Variants in TBC1D32 observed in about 807,000 individuals in gnomAD.
TBC1D32 encodes protein broad-minded.
A neutral mutation model predicts 170.3 loss-of-function variants in TBC1D32; 151 were observed. The observed-to-expected ratio is 0.89, with a 90% CI of 0.78 to 1.01. The LOEUF is 1.01. TBC1D32 is among the 50% of genes least tolerant of loss of function. The probability of loss-of-function intolerance (pLI) is 0.00; values close to 1 mark genes in which losing one functional copy is unlikely to be tolerated. For missense variants in TBC1D32, 1,464 were observed against 1,457.1 expected, an observed-to-expected ratio of 1.00 and a Z score of -0.08; for synonymous variants, 498 against 488.0, an observed-to-expected ratio of 1.02 and a Z score of -0.27.
intron 4 of TBC1D32, among the ~76,000 whole-genome samples, chr6:121,310,433 G>T (rs1196571190): frequency 2.0e-5 from 3 of 151,916 alleles, no homozygotes; most frequent in Admixed American, 2.0e-4. Context: ...AGTAAAAAAA[G>T]AATTAAAAAT....
chr6:121,256,414 C>CA, intron 15 of TBC1D32, 129 bp from the exon 16 acceptor site: 1 of 707,306 alleles, frequency 1.4e-6, no homozygotes, highest in Non-Finnish European at 2.3e-6. Flanking sequence ...TGTCAATATT[C>CA]ACGTTCCCAC....
chr6:121,256,081 T>A lies in TBC1D32; in HGVS notation c.1935+3A>T, dbSNP rs1189429664. 12 of 1,604,022 alleles carry A rather than the reference T, an allele frequency of 7.5e-6. No homozygotes were observed. Among genetic ancestry groups the A allele is most frequent in the Non-Finnish European group, 9.3e-6 (11 of 1,177,708 alleles). On this transcript the variant is annotated splice_donor_region_variant and intron_variant, in intron 16 of 31. Transcript: ENST00000398212. ...AGAAAAAACGAAGCTTGAAAATACT[T>A]ACCTTTTTCCATGCCTTTGCTATAG...
At chr6:121,257,383 C>A (rs556565228) in intron 15 of TBC1D32, among the ~76,000 whole-genome samples, 1 of 152,140 alleles carries the variant, frequency 6.6e-6, no homozygotes, top group Admixed American at 6.5e-5. Flanking sequence ...CTCTCTAGTA[C>A]GTAGTCCTCC....
chr6:121,118,964 T>C (rs1008725482), intron 26 of TBC1D32, among the ~76,000 whole-genome samples: 5 of 152,148 alleles, frequency 3.3e-5, no homozygotes, highest in Non-Finnish European at 7.4e-5. Flanking sequence ...GATTATGCAA[T>C]TACCCCTGCC....
Position 121,148,319 on chromosome 6 carries a change from T to A in TBC1D32, c.2773+11691A>T, listed in dbSNP as rs796817373. 3.9e-4 allele frequency among the ~76,000 whole-genome samples: 59 copies of A among 151,962 alleles called. 1 individual carries two copies. Among genetic ancestry groups the A allele is most frequent in the African/African-American group, 1.4e-3 (58 of 41,372 alleles). On this transcript the variant is annotated intron_variant, in intron 24 of 31. Transcript: ENST00000398212. ...GTCCCTGAAAAGGACATGAACTAAT[T>A]TTTTTTTATGGTTGCATAGTATTCC...
rs575612180 is a variant in TBC1D32 at position 121,121,056 on chromosome 6, T to C, written c.2983+5322A>G. Among the ~76,000 whole-genome samples the C allele has an allele frequency of 9.9e-5, 15 of 152,134 alleles. No homozygotes were observed. The South Asian group carries it at 1.0e-3, about 10-fold the overall frequency. On this transcript the variant is annotated intron_variant, in intron 26 of 31. Coordinates refer to ENST00000398212, the MANE Select transcript of TBC1D32 (RefSeq NM_152730.6). ...TGTGAATATAGTATGTGTATATATA[T>C]ATAATTAAATCTCATATTGAAGATA...
intron 1 of TBC1D32, among the ~76,000 whole-genome samples, chr6:121,328,944 T>C (rs1025527212): frequency 3.9e-5 from 6 of 152,154 alleles, no homozygotes; most frequent in Non-Finnish European, 7.4e-5. Context: ...CAAAATATCT[T>C]TTACAAAATA....
intron 10 of TBC1D32, 102 bp downstream of exon 10, chr6:121,299,344 C>T: frequency 7.9e-7 from 1 of 1,270,780 alleles, no homozygotes; most frequent in Non-Finnish European, 1.1e-6. Flanking sequence ...CTTCATTATC[C>T]AATATTAATT....
chr6:121,150,524 GT>G (rs1423821516), intron 24 of TBC1D32, among the ~76,000 whole-genome samples: 7 of 152,178 alleles, frequency 4.6e-5, no homozygotes, highest in African/African-American at 1.7e-4. Context: ...CATGAAATGA[GT>G]TGGGGAGGAG....
At chr6:121,103,188 G>T (rs1412284501) in intron 30 of TBC1D32, among the ~76,000 whole-genome samples, 3 of 152,032 alleles carry the variant, frequency 2.0e-5, no homozygotes, top group Non-Finnish European at 2.9e-5. Flanking sequence ...ATTCCTCAAC[G>T]ATCTAGAACT....
intron 27 of TBC1D32, among the ~76,000 whole-genome samples, chr6:121,114,918 A>T (rs1779542351): frequency 6.6e-6 from 1 of 152,182 alleles, no homozygotes; most frequent in Non-Finnish European, 1.5e-5. Flanking sequence ...TTTTGTAAAA[A>T]ACCTGATAGT....
At chr6:121,272,349 A>G (rs1242140581) in intron 15 of TBC1D32, among the ~76,000 whole-genome samples, 1 of 152,276 alleles carries the variant, frequency 6.6e-6, no homozygotes, top group Non-Finnish European at 1.5e-5. Context: ...ACTTTTTACA[A>G]TCTATCCATC....
intron 10 of TBC1D32, among the ~76,000 whole-genome samples, chr6:121,297,827 G>A (rs2128471217): frequency 6.6e-6 from 1 of 152,180 alleles, no homozygotes; most frequent in Middle Eastern, 3.4e-3. Flanking sequence ...GTTTTCAGCA[G>A]TCATATGTGG....
chr6:121,095,670 T>A (rs1280836877), intron 30 of TBC1D32, among the ~76,000 whole-genome samples: 2 of 152,202 alleles, frequency 1.3e-5, no homozygotes, highest in African/African-American at 4.8e-5. Flanking sequence ...CGAAGGCTTT[T>A]ACTGCACCTA....
intron 30 of TBC1D32, among the ~76,000 whole-genome samples, chr6:121,098,043 T>C (rs1777617131): frequency 6.6e-6 from 1 of 151,680 alleles, no homozygotes; most frequent in African/African-American, 2.4e-5. Flanking sequence ...CTGGGGCCTA[T>C]TGGGGAGTGG....
chr6:121,110,874 C>A (rs1197799294), intron 29 of TBC1D32, among the ~76,000 whole-genome samples: 1 of 152,082 alleles, frequency 6.6e-6, no homozygotes, highest in South Asian at 2.1e-4. Context: ...AACAGCATGT[C>A]ATCTGTTTTA....
At chr6:121,253,964 T>C (rs1798634336) in intron 17 of TBC1D32, among the ~76,000 whole-genome samples, 1 of 151,986 alleles carries the variant, frequency 6.6e-6, no homozygotes, top group Non-Finnish European at 1.5e-5. Flanking sequence ...CAATTCACAA[T>C]TGCAAAGATA....
intron 30 of TBC1D32, 67 bp downstream of exon 30, chr6:121,105,956 G>T: frequency 7.0e-7 from 1 of 1,418,744 alleles, no homozygotes; most frequent in Non-Finnish European, 9.4e-7. Flanking sequence ...TATTTGATGA[G>T]AACACAGTTT....
At chr6:121,276,661 T>C (rs1421502375) in intron 15 of TBC1D32, among the ~76,000 whole-genome samples, 1 of 152,146 alleles carries the variant, frequency 6.6e-6, no homozygotes, top group Admixed American at 6.6e-5. Flanking sequence ...AATCCCACTT[T>C]ACACTTTAAA....
Sources: allele counts gnomAD v4.1 joint callset (sites outside exome capture counted in the v4.1 genomes callset), GRCh38; gene constraint gnomAD v4.1.1; transcripts MANE v1.5; gene names NCBI Gene and HGNC (gene_info 2026-07-23, HGNC 2026-07-21).